Variants in GAS2 observed in about 807,000 individuals in gnomAD.
GAS2 encodes growth arrest specific 2, also known as growth arrest-specific protein 2.
GAS2 carries 20 observed loss-of-function variants against 37.5 expected under a neutral mutation model. The observed-to-expected ratio is 0.53, with a 90% CI of 0.37 to 0.77. The LOEUF (loss-of-function observed/expected upper bound fraction) is 0.77. GAS2 is among the 30% of genes least tolerant of loss of function. GAS2 has a pLI of 0.00. For missense variants in GAS2, 336 were observed against 373.4 expected, an observed-to-expected ratio of 0.90 and a Z score of 0.82; for synonymous variants, 144 against 132.2, an observed-to-expected ratio of 1.09 and a Z score of -0.61.
intron 1 of GAS2, among the ~76,000 whole-genome samples, chr11:22,644,640 A>G (rs985857066): frequency 3.3e-5 from 5 of 152,082 alleles, no homozygotes; most frequent in Admixed American, 6.6e-5. Context: ...TTCATTTTTG[A>G]GATAGAGTCT....
At chr11:22,641,216 ATATGTGTGTGTG>A in intron 1 of GAS2, among the ~76,000 whole-genome samples, 1 of 143,962 alleles carries the variant, frequency 6.9e-6, no homozygotes, top group South Asian at 2.1e-4. Flanking sequence ...ATATATATAT[ATATGTGTGTGTG>A]TATATATATA....
intron 3 of GAS2, among the ~76,000 whole-genome samples, chr11:22,690,353 C>CA (rs1850181350): frequency 1.3e-5 from 2 of 151,992 alleles, no homozygotes; most frequent in Non-Finnish European, 2.9e-5. Flanking sequence ...TAATTCTGTC[C>CA]TATGATTCTT....
At chr11:22,753,214 A>T (rs1044882056) in intron 6 of GAS2, among the ~76,000 whole-genome samples, 9 of 152,162 alleles carry the variant, frequency 5.9e-5, no homozygotes, top group African/African-American at 2.2e-4. Flanking sequence ...ACTTTTCCCT[A>T]GGTAATGTAA....
At chr11:22,644,833 G>A (rs567364731) in intron 1 of GAS2, among the ~76,000 whole-genome samples, 2 of 152,180 alleles carry the variant, frequency 1.3e-5, no homozygotes, top group East Asian at 1.9e-4. Flanking sequence ...ACACTGGCCA[G>A]GCTACTCTTG....
At chr11:22,710,614 T>A (rs1429650584) in intron 3 of GAS2, among the ~76,000 whole-genome samples, 2 of 152,042 alleles carry the variant, frequency 1.3e-5, no homozygotes, top group African/African-American at 4.8e-5. Context: ...ATAACTATCA[T>A]CAATTTGATT....
chr11:22,751,358 G>C (rs1362933629), intron 6 of GAS2, among the ~76,000 whole-genome samples: 1 of 151,890 alleles, frequency 6.6e-6, no homozygotes, highest in Non-Finnish European at 1.5e-5. Flanking sequence ...CTCATCCCAG[G>C]TATAACTGGC....
At chr11:22,727,723 T>A (rs1010539241) in intron 4 of GAS2, among the ~76,000 whole-genome samples, 1 of 152,042 alleles carries the variant, frequency 6.6e-6, no homozygotes, top group Non-Finnish European at 1.5e-5. Flanking sequence ...ATTATTACCA[T>A]TTCCTCATAT....
Position 22,674,785 on chromosome 11 carries a change from A to G in GAS2, c.-20-65A>G, listed in dbSNP as rs1849349286. ...CGCGGATCCAGTTCATTATAATGTC[A>G]TGATGACAACATTTTGTGAGAGAAG... is the stretch of plus-strand genomic sequence containing the variant. On this transcript the variant is annotated intron_variant, in intron 1 of 7. Transcript: ENST00000454584. 6.2e-6 allele frequency: 8 copies of G among 1,282,840 alleles called. No homozygotes were observed. The South Asian group carries it at 9.1e-5, about 15-fold the overall frequency. The allele number at this position is 1,282,840 out of a possible 1,614,324, so 79.5% of individuals were successfully genotyped here.
chr11:22,640,151 G>A (rs1044682598), intron 1 of GAS2, among the ~76,000 whole-genome samples: 2 of 152,128 alleles, frequency 1.3e-5, no homozygotes, highest in African/African-American at 4.8e-5. Context: ...GTTTCCTTGC[G>A]GGCACAGATC....
At chr11:22,749,412 C>G (rs1285342687) in intron 6 of GAS2, 151 bp downstream of exon 6, 7 of 658,556 alleles carry the variant, frequency 1.1e-5, no homozygotes, top group Non-Finnish European at 1.7e-5. Context: ...TGTAGTCCTA[C>G]AATTCATTTT....
At chr11:22,747,264 G>A (rs957978430) in intron 5 of GAS2, among the ~76,000 whole-genome samples, 5 of 152,120 alleles carry the variant, frequency 3.3e-5, no homozygotes, top group Non-Finnish European at 5.9e-5. Context: ...TCTTATGTAA[G>A]ATGCTTGTGA....
At chr11:22,730,161 A>C (rs945754687) in intron 4 of GAS2, among the ~76,000 whole-genome samples, 1 of 151,870 alleles carries the variant, frequency 6.6e-6, no homozygotes, top group African/African-American at 2.4e-5. Flanking sequence ...GTTTGTATCT[A>C]TATTTAACAA....
intron 2 of GAS2, among the ~76,000 whole-genome samples, chr11:22,680,131 C>T (rs1849611042): frequency 6.6e-6 from 1 of 151,990 alleles, no homozygotes; most frequent in South Asian, 2.1e-4. Flanking sequence ...TTTCTTGTGG[C>T]CCTTTTACCA....
At chr11:22,785,985 C>G (rs1855802324) in intron 7 of GAS2, among the ~76,000 whole-genome samples, 1 of 152,092 alleles carries the variant, frequency 6.6e-6, no homozygotes, top group East Asian at 1.9e-4. Flanking sequence ...TCAAGGCATA[C>G]TTCTTGGATA....
intron 7 of GAS2, among the ~76,000 whole-genome samples, chr11:22,789,240 G>T (rs1479120484): frequency 7.1e-6 from 1 of 139,914 alleles, no homozygotes; most frequent in African/African-American, 2.6e-5. Context: ...ATTGGCTGAA[G>T]TAGAAAAAGT....
intron 6 of GAS2, among the ~76,000 whole-genome samples, chr11:22,749,910 A>C (rs1485435862): frequency 6.6e-6 from 1 of 152,026 alleles, no homozygotes; most frequent in East Asian, 1.9e-4. Flanking sequence ...GGTGAATTAA[A>C]ACTCTCAAGT....
intron 5 of GAS2, among the ~76,000 whole-genome samples, chr11:22,739,148 C>T (rs761838487): frequency 6.6e-6 from 1 of 152,092 alleles, no homozygotes; most frequent in Non-Finnish European, 1.5e-5. Context: ...TGTGAAGGAG[C>T]AGGATAAAGA....
At chr11:22,808,964 C>G (rs1003806914) in intron 7 of GAS2, among the ~76,000 whole-genome samples, 1 of 152,160 alleles carries the variant, frequency 6.6e-6, no homozygotes, top group South Asian at 2.1e-4. Flanking sequence ...GAGTAAAGGA[C>G]TAGACTGGAG....
At chr11:22,716,643 CAAA>C (rs71037523) in intron 3 of GAS2, among the ~76,000 whole-genome samples, 19 of 132,484 alleles carry the variant, frequency 1.4e-4, no homozygotes, top group East Asian at 2.2e-4. Flanking sequence ...GTCTCTGTCT[CAAA>C]AAAAAAAAAA....
Sources: gnomAD v4.1 joint callset for allele counts (sites outside exome capture counted in the v4.1 genomes callset) on GRCh38, gnomAD v4.1.1 for gene constraint, MANE v1.5 for transcripts, NCBI Gene and HGNC (gene_info 2026-07-23, HGNC 2026-07-21) for gene names.